Variants in FMN1 observed in about 807,000 individuals in gnomAD.
The protein encoded by FMN1 is formin 1.
FMN1 carries 110 observed loss-of-function variants against 132.4 expected under a neutral mutation model. The observed-to-expected ratio is 0.83, with a 90% CI of 0.71 to 0.97. The LOEUF is 0.97. Ranked by LOEUF, FMN1 falls within the 50% of genes least tolerant of loss-of-function variation. The pLI is 0.00. For synonymous variants in FMN1, 722 were observed against 651.7 expected, an observed-to-expected ratio of 1.11 and a Z score of -1.64; for missense variants, 1,792 against 1,705.3, an observed-to-expected ratio of 1.05 and a Z score of -0.90.
chr15:33,123,846 T>C (rs1285771025), intron 4 of FMN1, among the ~76,000 whole-genome samples: 2 of 152,214 alleles, frequency 1.3e-5, no homozygotes, highest in Non-Finnish European at 1.5e-5. Flanking sequence ...AATTTGTTCA[T>C]ATAACCAAAA....
intron 17 of FMN1, among the ~76,000 whole-genome samples, chr15:32,827,126 T>C (rs1405299004): frequency 6.6e-6 from 1 of 152,188 alleles, no homozygotes; most frequent in African/African-American, 2.4e-5. Context: ...AGGTTCACTT[T>C]ACTGAGTGGC....
At chr15:32,792,816 T>C (rs1365675761) in intron 19 of FMN1, among the ~76,000 whole-genome samples, 7 of 152,164 alleles carry the variant, frequency 4.6e-5, no homozygotes, top group Non-Finnish European at 8.8e-5. Flanking sequence ...ACCTGACGTG[T>C]GCCCCCTTAC....
At chr15:33,125,009 C>G (rs1182359028) in intron 4 of FMN1, among the ~76,000 whole-genome samples, 1 of 152,078 alleles carries the variant, frequency 6.6e-6, no homozygotes, top group African/African-American at 2.4e-5. Context: ...TGTATAAAAT[C>G]CCTTCTCGCA....
chr15:32,828,505 GT>G (rs201540808), intron 17 of FMN1, among the ~76,000 whole-genome samples: 119 of 146,864 alleles, frequency 8.1e-4, no homozygotes, highest in Admixed American at 1.8e-3. Flanking sequence ...CATTTAGCAT[GT>G]TTTTTTTTTT....
intron 16 of FMN1, among the ~76,000 whole-genome samples, chr15:32,874,808 A>G (rs957706959): frequency 6.6e-6 from 1 of 151,348 alleles, no homozygotes; most frequent in Non-Finnish European, 1.5e-5. Context: ...TAATTGATTG[A>G]AAAGGTCAAA....
intron 3 of FMN1, among the ~76,000 whole-genome samples, chr15:33,160,253 G>A (rs1438521038): frequency 6.6e-6 from 1 of 152,090 alleles, no homozygotes; most frequent in Non-Finnish European, 1.5e-5. Context: ...TACATGGGAT[G>A]GAACACTGCA....
intron 5 of FMN1, among the ~76,000 whole-genome samples, chr15:33,082,335 AGT>A (rs1043834616): frequency 2.0e-5 from 3 of 152,038 alleles, no homozygotes; most frequent in African/African-American, 7.3e-5. Flanking sequence ...GGCCTCCCAA[AGT>A]GTTTTAAAAG....
intron 7 of FMN1, among the ~76,000 whole-genome samples, chr15:33,001,574 C>CA (rs1555376851): frequency 7.6e-6 from 1 of 131,862 alleles, no homozygotes; most frequent in Non-Finnish European, 1.6e-5. Flanking sequence ...CTTCCCCCCC[C>CA]ACCTCCCCCC....
chr15:32,955,425 G>A (rs2061743400), intron 9 of FMN1, among the ~76,000 whole-genome samples: 1 of 152,112 alleles, frequency 6.6e-6, no homozygotes, highest in Non-Finnish European at 1.5e-5. Flanking sequence ...ATACATATAT[G>A]ATCTTTCCCT....
At chr15:32,794,212 A>G (rs2057196948) in intron 19 of FMN1, among the ~76,000 whole-genome samples, 1 of 152,216 alleles carries the variant, frequency 6.6e-6, no homozygotes. Flanking sequence ...AAAAAACAAG[A>G]TAACTATCCA....
rs575598994 is a variant in FMN1 at position 32,927,529 on chromosome 15, G to A, written c.3139-1268C>T. Among the ~76,000 whole-genome samples the A allele has an allele frequency of 1.2e-3, 183 of 152,262 alleles. 2 individuals are homozygous for A. Among genetic ancestry groups the A allele is most frequent in the Non-Finnish European group, 1.7e-3 (118 of 68,026 alleles). On this transcript the variant is annotated intron_variant, in intron 9 of 20. Coordinates refer to ENST00000616417, the MANE Select transcript of FMN1 (RefSeq NM_001277313.2). ...CCACCTTGGTCTCCCAAATTATTGG[G>A]ATTATAGGTGTGAGCCACCACACTT...
intron 9 of FMN1, among the ~76,000 whole-genome samples, chr15:32,957,162 GAAAC>G (rs1380300575): frequency 3.3e-5 from 5 of 152,062 alleles, no homozygotes; most frequent in African/African-American, 7.2e-5. Flanking sequence ...TACAGAAGAG[GAAAC>G]AAACAGAGAT....
At chr15:32,928,521 T>C (rs1346629737) in intron 9 of FMN1, among the ~76,000 whole-genome samples, 3 of 152,206 alleles carry the variant, frequency 2.0e-5, no homozygotes, top group Non-Finnish European at 2.9e-5. Context: ...TGCTTTGTAT[T>C]CTGGGGATGC....
At chr15:33,144,562 C>T (rs1255873903) in intron 4 of FMN1, among the ~76,000 whole-genome samples, 2 of 150,092 alleles carry the variant, frequency 1.3e-5, no homozygotes, top group East Asian at 2.0e-4. Context: ...GGCATGAACC[C>T]GGGAGGCGGA....
chr15:33,111,354 G>C (rs1434027191), intron 4 of FMN1, among the ~76,000 whole-genome samples: 1 of 152,154 alleles, frequency 6.6e-6, no homozygotes, highest in Non-Finnish European at 1.5e-5. Flanking sequence ...TGAAGAAGTT[G>C]GGACTCTCAC....
chr15:33,092,772 C>T (rs142405018), intron 4 of FMN1, among the ~76,000 whole-genome samples: 35 of 152,296 alleles, frequency 2.3e-4, no homozygotes, highest in African/African-American at 8.4e-4. Context: ...TCTGCTCCCA[C>T]TAGAAGCACT....
At chr15:32,857,300 A>G (rs2059156011) in intron 16 of FMN1, among the ~76,000 whole-genome samples, 193 bp from the exon 17 acceptor site, 1 of 152,186 alleles carries the variant, frequency 6.6e-6, no homozygotes, top group Admixed American at 6.5e-5. Context: ...AAAAATAATT[A>G]GTTCATTCTA....
chr15:32,890,142 T>C (rs1042133887), intron 15 of FMN1, among the ~76,000 whole-genome samples: 1 of 137,362 alleles, frequency 7.3e-6, no homozygotes, highest in South Asian at 2.3e-4. Context: ...ATTGTATATA[T>C]ATATATCAGT....
intron 6 of FMN1, among the ~76,000 whole-genome samples, chr15:33,011,138 C>T (rs2140959649): frequency 6.6e-6 from 1 of 152,200 alleles, no homozygotes; most frequent in Admixed American, 6.5e-5. Flanking sequence ...CTTACCTTAC[C>T]TCCTAATGAG....
Sources: allele counts gnomAD v4.1 joint callset (sites outside exome capture counted in the v4.1 genomes callset), GRCh38; gene constraint gnomAD v4.1.1; transcripts MANE v1.5; gene names NCBI Gene and HGNC (gene_info 2026-07-23, HGNC 2026-07-21).